The following FRMPD1 variants were observed in gnomAD, a reference collection of about 807,000 sequenced individuals.
The protein encoded by FRMPD1 is FERM and PDZ domain-containing protein 1.
Under a neutral mutation model 117.8 loss-of-function variants are expected in FRMPD1, and 76 were observed. That is an observed-to-expected ratio of 0.65 (90% CI 0.54 to 0.78). FRMPD1 has a LOEUF of 0.78. Among genes scored for constraint, FRMPD1 ranks in the 30% least tolerant of loss-of-function variants. The pLI, the probability that FRMPD1 is intolerant of heterozygous loss-of-function variation, is 0.00. For synonymous variants in FRMPD1, 783 were observed against 770.4 expected, an observed-to-expected ratio of 1.02 and a Z score of -0.27; for missense variants, 1,786 against 1,964.5, an observed-to-expected ratio of 0.91 and a Z score of 1.72.
At chr9:37,607,182 G>A in the FRMPD1 span, among the ~76,000 whole-genome samples, 13 of 152,066 alleles carry the variant, frequency 8.5e-5, no homozygotes, top group Admixed American at 8.5e-4. Flanking sequence ...AAGCATGGTG[G>A]CTCGTGCCTG....
chr9:37,620,752 C>T, the FRMPD1 span, among the ~76,000 whole-genome samples: 2 of 151,780 alleles, frequency 1.3e-5, no homozygotes, highest in African/African-American at 2.4e-5. Flanking sequence ...TATCTTCTGG[C>T]CCTTGTTTAT....
chr9:37,719,268 A>G (rs1823289175), intron 6 of FRMPD1, 92 bp downstream of exon 6: 3 of 785,608 alleles, frequency 3.8e-6, no homozygotes, highest in Admixed American at 1.9e-5. Flanking sequence ...CACAGCACAG[A>G]GGGTGCAGAG....
chr9:37,604,510 G>A, the FRMPD1 span, among the ~76,000 whole-genome samples: 1 of 152,222 alleles, frequency 6.6e-6, no homozygotes, highest in Non-Finnish European at 1.5e-5. Context: ...CACAAGGTAT[G>A]CTTAGAAGCA....
At chr9:37,697,704 CTAAT>C (rs1194040200) in intron 2 of FRMPD1, among the ~76,000 whole-genome samples, 1 of 152,232 alleles carries the variant, frequency 6.6e-6, no homozygotes, top group Non-Finnish European at 1.5e-5. Flanking sequence ...ACATCATAAA[CTAAT>C]TAATTTTTAA....
chr9:37,745,049 T>C lies in FRMPD1; in HGVS notation c.3017T>C (p.Ile1006Thr), dbSNP rs139248307. The change falls in exon 16 of 16, where the codon ATA becomes ACA. Residue 1006 changes from isoleucine to threonine, a missense_variant. Transcript: ENST00000377765. ...LDGIAPKEPT[I>T]EHGDSSFSLS... ...GGGATTGCCCCCAAAGAACCAACCA[T>C]AGAGCATGGAGACAGCTCCTTCTCC... 51 of 1,613,924 alleles carry C rather than the reference T, an allele frequency of 3.2e-5. No homozygotes were observed. Among genetic ancestry groups the C allele is most frequent in the African/African-American group, 8.0e-5 (6 of 74,876 alleles).
At chr9:37,611,964 A>G in the FRMPD1 span, among the ~76,000 whole-genome samples, 1 of 152,206 alleles carries the variant, frequency 6.6e-6, no homozygotes, top group Non-Finnish European at 1.5e-5. Flanking sequence ...CCAGTGGATC[A>G]GCCTGGGTAT....
chr9:37,742,826 G>A (rs1824485912), intron 15 of FRMPD1, among the ~76,000 whole-genome samples: 1 of 152,090 alleles, frequency 6.6e-6, no homozygotes, highest in South Asian at 2.1e-4. Context: ...TGGAACCTGG[G>A]AGGCAGAGGC....
chr9:37,608,467 C>A, the FRMPD1 span, among the ~76,000 whole-genome samples: 1 of 144,852 alleles, frequency 6.9e-6, no homozygotes, highest in Non-Finnish European at 1.5e-5. Context: ...TCTTCCTTCC[C>A]TCCTTCCTTC....
chr9:37,713,193 G>A (rs1025191122), intron 5 of FRMPD1, among the ~76,000 whole-genome samples: 2 of 152,162 alleles, frequency 1.3e-5, no homozygotes, highest in Non-Finnish European at 2.9e-5. Context: ...AATGAGGATG[G>A]CCTTGATAGG....
At chr9:37,701,792 G>A (rs1822543121) in intron 2 of FRMPD1, among the ~76,000 whole-genome samples, 3 of 152,118 alleles carry the variant, frequency 2.0e-5, no homozygotes, top group Admixed American at 2.0e-4. Flanking sequence ...CTGCTAGATG[G>A]AGAATCATTC....
At chr9:37,629,295 G>A in the FRMPD1 span, among the ~76,000 whole-genome samples, 1 of 152,144 alleles carries the variant, frequency 6.6e-6, no homozygotes. Flanking sequence ...ATGCACATTC[G>A]AGTTTGAGAC....
intron 10 of FRMPD1, 23 bp downstream of exon 10, chr9:37,732,463 T>C (rs748340454): frequency 1.3e-6 from 2 of 1,578,382 alleles, no homozygotes; most frequent in Non-Finnish European, 1.7e-6. Context: ...GGATGGCAGC[T>C]GCATTGCATT....
chr9:37,636,787 G>C, the FRMPD1 span: 16,200 of 1,608,972 alleles, frequency 0.01, 120 homozygotes, highest in South Asian at 0.018. Flanking sequence ...TCTGCTTTTT[G>C]ATCTCAGCAG....
the FRMPD1 span, among the ~76,000 whole-genome samples, chr9:37,606,608 C>G: frequency 6.6e-6 from 1 of 152,192 alleles, no homozygotes; most frequent in Non-Finnish European, 1.5e-5. Context: ...GCACAAAACT[C>G]TTTTCTTTTC....
chr9:37,669,368 G>C (rs564097490), intron 1 of FRMPD1, among the ~76,000 whole-genome samples: 1 of 152,056 alleles, frequency 6.6e-6, no homozygotes, highest in Non-Finnish European at 1.5e-5. Flanking sequence ...TGAGAAATAC[G>C]AACTCTCAGC....
chr9:37,625,850 G>A, the FRMPD1 span, among the ~76,000 whole-genome samples: 1 of 152,250 alleles, frequency 6.6e-6, no homozygotes, highest in Non-Finnish European at 1.5e-5. Flanking sequence ...CTCCTTCCAA[G>A]CTGGGTTGCT....
chr9:37,635,823 C>T, the FRMPD1 span, among the ~76,000 whole-genome samples: 2 of 152,156 alleles, frequency 1.3e-5, no homozygotes, highest in Non-Finnish European at 2.9e-5. Context: ...GGGATGAGGG[C>T]CTTCCCTGGT....
chr9:37,692,555 TAAAG>T (rs1190427417), intron 1 of FRMPD1, 79 bp from the exon 2 acceptor site: 2 of 904,702 alleles, frequency 2.2e-6, no homozygotes, highest in Admixed American at 1.7e-5. Context: ...AATGGGCAAA[TAAAG>T]GAAGCATCGT....
At chr9:37,719,011 A>G in intron 5 of FRMPD1, 58 bp from the exon 6 acceptor site, 11 of 972,426 alleles carry the variant, frequency 1.1e-5, no homozygotes, top group Non-Finnish European at 1.7e-5. Flanking sequence ...GAGAAGATAG[A>G]TATACCTGGC....
Sources: allele counts gnomAD v4.1 joint callset (sites outside exome capture counted in the v4.1 genomes callset), GRCh38; gene constraint gnomAD v4.1.1; transcripts MANE v1.5; gene names NCBI Gene and HGNC (gene_info 2026-07-23, HGNC 2026-07-21).